The following SERF2 variants were observed in gnomAD, a reference collection of about 807,000 sequenced individuals.
SERF2 encodes the protein small EDRK-rich factor 2.
Under a neutral mutation model 10.7 loss-of-function variants are expected in SERF2, and 4 were observed. The ratio of observed to expected loss-of-function variants is 0.37; its 90% CI spans 0.18 to 0.86. SERF2 has a LOEUF of 0.86. Ranked by LOEUF, SERF2 falls within the 40% of genes least tolerant of loss-of-function variation. The pLI is 0.43. For missense variants in SERF2, 47 were observed against 79.1 expected, an observed-to-expected ratio of 0.59 and a Z score of 1.54; for synonymous variants, 26 against 26.0, an observed-to-expected ratio of 1.00 and a Z score of 0.01.
upstream of SERF2, among the ~76,000 whole-genome samples, chr15:43,787,460 C>A (rs538027606): frequency 2.4e-4 from 37 of 151,934 alleles, no homozygotes; most frequent in Non-Finnish European, 4.0e-4. Flanking sequence ...TGCAATGGTG[C>A]GATTTCCGCT....
intron 1 of SERF2, chr15:43,777,576 G>A (rs1231931423): frequency 1.1e-5 from 2 of 177,380 alleles, no homozygotes; most frequent in Non-Finnish European, 2.4e-5. Flanking sequence ...CCCAGTTGGT[G>A]GGCAGGGATA....
At chr15:43,788,876 G>A (rs968676765), upstream of SERF2, among the ~76,000 whole-genome samples, 3 of 152,128 alleles carry the variant, frequency 2.0e-5, no homozygotes, top group Non-Finnish European at 2.9e-5. Context: ...AGGGCCGGGC[G>A]CGGTGGCTCA....
chr15:43,789,644 T>G (rs755993127), upstream of SERF2, among the ~76,000 whole-genome samples: 4 of 152,228 alleles, frequency 2.6e-5, no homozygotes, highest in African/African-American at 9.6e-5. Context: ...CTGTGTGCAC[T>G]GCGAAACATT....
chr15:43,781,323 G>C (rs1451991649), intron 1 of SERF2, among the ~76,000 whole-genome samples: 1 of 152,114 alleles, frequency 6.6e-6, no homozygotes, highest in Non-Finnish European at 1.5e-5. Flanking sequence ...GGGAGGCCGA[G>C]GCAGGTGGAC....
chr15:43,795,555 A>G lies in SERF2; in HGVS notation c.*1782A>G, dbSNP rs1355666721. On this transcript the variant is annotated 3_prime_UTR_variant, in exon 3 of 3. Coordinates refer to ENST00000249786, the MANE Select transcript of SERF2 (RefSeq NM_001018108.4). ...CACCCCTTTGCCCTGGAGAGAGGAA[A>G]TGGCTGCTGGGAGCAGAGCTGCTGA... 2 of 1,613,958 alleles carry G rather than the reference A, an allele frequency of 1.2e-6. No individual in the cohort carries two copies. The highest frequency in any genetic ancestry group is 2.7e-5 in the African/African-American group (2 of 74,920).
chr15:43,781,572 T>C (rs1236918158), intron 1 of SERF2, among the ~76,000 whole-genome samples: 5 of 150,802 alleles, frequency 3.3e-5, no homozygotes, highest in Non-Finnish European at 7.4e-5. Context: ...AAAAACTTAT[T>C]GTTTATGTCT....
intron 1 of SERF2, among the ~76,000 whole-genome samples, chr15:43,782,772 C>A (rs2086974473): frequency 6.6e-6 from 1 of 152,112 alleles, no homozygotes; most frequent in South Asian, 2.1e-4. Context: ...ATTTATCCAC[C>A]ATGCATTCTT....
chr15:43,791,202 T>C (rs1245316401), upstream of SERF2, among the ~76,000 whole-genome samples: 6 of 151,958 alleles, frequency 3.9e-5, no homozygotes, highest in Non-Finnish European at 7.4e-5. Context: ...GCCTCCTGAG[T>C]AGCTGGGACT....
chr15:43,786,387 CCTGG>C (rs1198134458), intron 2 of SERF2, among the ~76,000 whole-genome samples: 1 of 148,214 alleles, frequency 6.7e-6, no homozygotes, highest in African/African-American at 2.5e-5. Flanking sequence ...TGCACTCCAG[CCTGG>C]ACCACAGAGC....
At chr15:43,780,167 T>C (rs1261332085) in intron 1 of SERF2, among the ~76,000 whole-genome samples, 1 of 152,182 alleles carries the variant, frequency 6.6e-6, no homozygotes, top group Non-Finnish European at 1.5e-5. Context: ...AGGCCAGAGT[T>C]TGGCTCTTGT....
chr15:43,787,842 GCA>G (rs1249573788), upstream of SERF2, among the ~76,000 whole-genome samples: 1 of 150,256 alleles, frequency 6.7e-6, no homozygotes, highest in Non-Finnish European at 1.5e-5. Flanking sequence ...GGGACTATAG[GCA>G]CACACCACCA....
At position 43,793,702 on chromosome 15, in the gene SERF2, A is replaced by AC. The variant is rs1397403003; in HGVS notation, c.117-3dup. 1 of 1,613,256 alleles carries AC rather than the reference A, an allele frequency of 6.2e-7. No homozygotes were observed. Among genetic ancestry groups the AC allele is most frequent in the Non-Finnish European group, 8.5e-7 (1 of 1,179,906 alleles). ...TACCTCCCAGTGCCCCATCATCTCT[A>AC]CCCCCAGGGACTCGGAGATCATGCA... On this transcript the variant is annotated splice_region_variant and splice_polypyrimidine_tract_variant and intron_variant, in intron 2 of 2. Coordinates refer to ENST00000249786, the MANE Select transcript of SERF2 (RefSeq NM_001018108.4).
chr15:43,795,503 T>G lies in SERF2; in HGVS notation c.*1730T>G, dbSNP rs1288093253. The G allele has an allele frequency of 6.2e-7, 1 of 1,613,594 alleles. No homozygotes were observed. The highest frequency in any genetic ancestry group is 8.5e-7 in the Non-Finnish European group (1 of 1,179,872). On this transcript the variant is annotated 3_prime_UTR_variant, in exon 3 of 3. Transcript: ENST00000249786. Reference sequence around the variant, plus strand: ...ACTTGGACTGGAGGAGCTGGAGGGGTTTCTTGGTCAGCTGGCCTCGCAGCC... The same window carrying G: ...ACTTGGACTGGAGGAGCTGGAGGGGGTTCTTGGTCAGCTGGCCTCGCAGCC...
chr15:43,793,847 C>T lies in SERF2; in HGVS notation c.*74C>T, dbSNP rs1596042244. On this transcript the variant is annotated 3_prime_UTR_variant, in exon 3 of 3. Transcript: ENST00000249786. ...AGCCAGTCCCACCACGCTCGCGTTTCCTCCTGTAGTGCTCACAGGTCCCAG... is the reference window on the plus strand; with the variant it reads ...AGCCAGTCCCACCACGCTCGCGTTTTCTCCTGTAGTGCTCACAGGTCCCAG... 3 of 1,613,794 alleles carry T rather than the reference C, an allele frequency of 1.9e-6. No homozygotes were observed. Among genetic ancestry groups the T allele is most frequent in the South Asian group, 1.1e-5 (1 of 91,074 alleles).
At chr15:43,783,248 C>T (rs991409192) in intron 1 of SERF2, among the ~76,000 whole-genome samples, 15 of 152,074 alleles carry the variant, frequency 9.9e-5, no homozygotes, top group Admixed American at 9.8e-4. Context: ...CCTCATGATC[C>T]GCCCAGCTTG....
chr15:43,793,536 C>T (rs1253621723), intron 2 of SERF2, 174 bp from the exon 3 acceptor site: 2 of 1,477,590 alleles, frequency 1.4e-6, no homozygotes, highest in East Asian at 2.4e-5. Flanking sequence ...GGAGACTGGT[C>T]GCCTTTTGAG....
At chr15:43,779,790 G>A (rs2086950777) in intron 1 of SERF2, among the ~76,000 whole-genome samples, 1 of 152,092 alleles carries the variant, frequency 6.6e-6, no homozygotes, top group Non-Finnish European at 1.5e-5. Flanking sequence ...TCCATGCTCA[G>A]CCAAAATTAC....
At chr15:43,789,696 A>T (rs2087036915), upstream of SERF2, among the ~76,000 whole-genome samples, 1 of 152,100 alleles carries the variant, frequency 6.6e-6, no homozygotes, top group African/African-American at 2.4e-5. Context: ...TTTCCTTTAA[A>T]GCTATTATCA....
At chr15:43,791,174 C>G (rs984516200), upstream of SERF2, among the ~76,000 whole-genome samples, 6 of 151,460 alleles carry the variant, frequency 4.0e-5, no homozygotes, top group African/African-American at 1.5e-4. Flanking sequence ...ACCGGGTTCA[C>G]GCCATTCTCC....
Sources: gnomAD v4.1 joint callset for allele counts (sites outside exome capture counted in the v4.1 genomes callset) on GRCh38, gnomAD v4.1.1 for gene constraint, MANE v1.5 for transcripts, NCBI Gene and HGNC (gene_info 2026-07-23, HGNC 2026-07-21) for gene names.